Variants in PDE4C observed in about 807,000 individuals in gnomAD.
The protein encoded by PDE4C is phosphodiesterase 4C.
PDE4C carries 50 observed loss-of-function variants against 63.9 expected under a neutral mutation model. That is an observed-to-expected ratio of 0.78 (90% CI 0.62 to 0.99). The LOEUF is 0.99. PDE4C is among the 50% of genes least tolerant of loss of function. PDE4C has a pLI of 0.00. For missense variants in PDE4C, 777 were observed against 899.1 expected (o/e 0.86, Z 1.74); for synonymous variants, 377 against 385.1 (o/e 0.98, Z 0.25).
intron 11 of PDE4C, among the ~76,000 whole-genome samples, chr19:18,217,494 G>A (rs1968250189): frequency 6.6e-6 from 1 of 152,018 alleles, no homozygotes; most frequent in South Asian, 2.1e-4. Context: ...TTGAGTGAGG[G>A]GCCTCCACTC....
At chr19:18,214,821 G>A (rs181904119) in intron 12 of PDE4C, among the ~76,000 whole-genome samples, 1 of 151,790 alleles carries the variant, frequency 6.6e-6, no homozygotes, top group Middle Eastern at 3.2e-3. Flanking sequence ...GTGGTGGCAG[G>A]CACCTGTAAT....
exon 13 of PDE4C, chr19:18,213,391 C>A (rs752357705): frequency 2.5e-5 from 40 of 1,613,812 alleles, no homozygotes; most frequent in Non-Finnish European, 3.4e-5. Flanking sequence ...GAATAGTTGT[C>A]CAGGAGGAGG....
upstream of PDE4C, chr19:18,252,204 G>A (rs1969238616): frequency 7.5e-6 from 3 of 399,018 alleles, no homozygotes; most frequent in African/African-American, 2.1e-5. Context: ...CTCTGCACTG[G>A]GGGAGCCAGA....
chr19:18,208,081 A>C (rs1055929472), downstream of PDE4C: 2 of 152,178 alleles, frequency 1.3e-5, no homozygotes, highest in African/African-American at 4.8e-5. Context: ...TTGAAAAAAA[A>C]ATTCCCTAAA....
Position 18,217,639 on chromosome 19 carries a change from G to A in PDE4C, c.1234+510C>T, listed in dbSNP as rs150256629. ...TGTCTGGGCGCGGTGGCTCGTGCCT[G>A]TAATCCCAGCACTTTGGGAGGCTGA... On this transcript the variant is annotated intron_variant, in intron 11 of 14. Coordinates refer to ENST00000262805, the Ensembl canonical transcript of PDE4C. Among the ~76,000 whole-genome samples the A allele has an allele frequency of 5.3e-3, 801 of 152,174 alleles. 10 individuals carry two copies. Among genetic ancestry groups the A allele is most frequent in the African/African-American group, 0.018 (728 of 41,528 alleles).
At chr19:18,213,064 T>C (rs1968030539) in intron 13 of PDE4C, among the ~76,000 whole-genome samples, 1 of 148,234 alleles carries the variant, frequency 6.7e-6, no homozygotes, top group Non-Finnish European at 1.5e-5. Context: ...GAGGCCGAGG[T>C]GGGCGGATCT....
At chr19:18,226,546 G>A (rs919505022), upstream of PDE4C, 36 of 563,400 alleles carry the variant, frequency 6.4e-5, no homozygotes, top group African/African-American at 5.3e-4. Context: ...GCGGCTCCCT[G>A]ACGACCCCCG....
rs560800558 is a variant in PDE4C at position 18,218,837 on chromosome 19, G to A, written c.969+103C>T. On this transcript the variant is annotated intron_variant, in intron 9 of 14. Transcript: ENST00000262805. ...TGCTCAAATTATCCCCTTCAGAAAT[G>A]TCAGGGAGGATTTGAAAAATGAGTG... is the stretch of plus-strand genomic sequence containing the variant. The A allele has an allele frequency of 3.9e-5, 34 of 874,360 alleles. No individual in the cohort carries two copies. In the African/African-American group the frequency reaches 4.9e-4, roughly 13 times the overall value. 54.2% of individuals were successfully genotyped at this position (874,360 alleles called of 1,614,324 possible).
exon 1 of PDE4C, chr19:18,233,247 G>T: frequency 1.3e-6 from 2 of 1,540,832 alleles, no homozygotes; most frequent in Non-Finnish European, 1.7e-6. Flanking sequence ...CCGTGAGCGG[G>T]CGCCGAGGAG....
upstream of PDE4C, chr19:18,250,218 G>T (rs752487039): frequency 2.5e-6 from 1 of 398,780 alleles, no homozygotes; most frequent in Non-Finnish European, 4.4e-6. Context: ...GACACCAAAA[G>T]GCTCTGCAGC....
intron 1 of PDE4C, among the ~76,000 whole-genome samples, chr19:18,246,010 A>T (rs923964851): frequency 7.1e-5 from 9 of 127,628 alleles, no homozygotes; most frequent in South Asian, 2.6e-4. Flanking sequence ...TGCCCAGCTA[A>T]TTTTTTTTTT....
chr19:18,250,907 G>A (rs559475851), upstream of PDE4C, among the ~76,000 whole-genome samples: 1 of 151,086 alleles, frequency 6.6e-6, no homozygotes, highest in South Asian at 2.1e-4. Context: ...CCCAGTAGCT[G>A]AGACTACAAG....
At chr19:18,221,426 G>T in intron 2 of PDE4C, 129 bp from the exon 3 acceptor site, 1 of 877,042 alleles carries the variant, frequency 1.1e-6, no homozygotes, top group East Asian at 2.8e-5. Context: ...AGTCCCTGGG[G>T]TCCCCTCATG....
At chr19:18,222,362 G>A (rs749666781) in intron 1 of PDE4C, 39 bp from the exon 2 acceptor site, 2 of 1,575,888 alleles carry the variant, frequency 1.3e-6, no homozygotes, top group African/African-American at 1.4e-5. Context: ...CGAGGGTCAT[G>A]ACAACTGGGT....
upstream of PDE4C, among the ~76,000 whole-genome samples, chr19:18,226,865 C>G (rs1968748795): frequency 6.6e-6 from 1 of 152,034 alleles, no homozygotes; most frequent in Non-Finnish European, 1.5e-5. Context: ...CTCAGCCTCG[C>G]AAAGTGCTGG....
At chr19:18,222,933 C>A (rs1323307326) in intron 1 of PDE4C, among the ~76,000 whole-genome samples, 1 of 151,994 alleles carries the variant, frequency 6.6e-6, no homozygotes, top group Non-Finnish European at 1.5e-5. Flanking sequence ...CTCCTGGCCT[C>A]AAACAATCCT....
chr19:18,242,028 G>A (rs1481073864), intron 1 of PDE4C, among the ~76,000 whole-genome samples: 3 of 152,222 alleles, frequency 2.0e-5, no homozygotes, highest in African/African-American at 7.2e-5. Context: ...TTGCTGGGGT[G>A]AGTTAGGGAA....
chr19:18,251,863 A>G (rs1444559027), upstream of PDE4C, among the ~76,000 whole-genome samples: 4 of 151,876 alleles, frequency 2.6e-5, no homozygotes, highest in South Asian at 2.1e-4. Flanking sequence ...CTCTTTGCCC[A>G]TCGCTGCGTG....
intron 1 of PDE4C, chr19:18,248,153 G>C (rs1419442514): frequency 2.2e-6 from 1 of 456,198 alleles, no homozygotes; most frequent in African/African-American, 2.0e-5. Flanking sequence ...AGGAGGCCCA[G>C]GCATGTCTGG....
Sources: allele counts gnomAD v4.1 joint callset (sites outside exome capture counted in the v4.1 genomes callset), GRCh38; gene constraint gnomAD v4.1.1; transcripts MANE v1.5; gene names NCBI Gene and HGNC (gene_info 2026-07-23, HGNC 2026-07-21).